The following ANKRD11 variants were observed in gnomAD, a reference collection of about 807,000 sequenced individuals.
ANKRD11 encodes ankyrin repeat domain-containing protein 11.
ANKRD11 carries 17 observed loss-of-function variants against 195.7 expected under a neutral mutation model. The ratio of observed to expected loss-of-function variants is 0.09; its 90% CI spans 0.06 to 0.13. The LOEUF is 0.13. Ranked by LOEUF, ANKRD11 falls within the 10% of genes least tolerant of loss-of-function variation. The probability of loss-of-function intolerance (pLI) is 1.00; values close to 1 mark genes in which losing one functional copy is unlikely to be tolerated. For missense variants in ANKRD11, 3,735 were observed against 3,566.1 expected (o/e 1.05, Z -1.21); for synonymous variants, 1,953 against 1,528.1 (o/e 1.28, Z -6.49).
chr16:89,372,200 G>A (rs1363021301), intron 2 of ANKRD11, among the ~76,000 whole-genome samples: 6 of 152,200 alleles, frequency 3.9e-5, no homozygotes, highest in Admixed American at 2.0e-4. Flanking sequence ...GGCAGCGCAC[G>A]GCAAGATGGA....
chr16:89,354,539 G>C (rs1332859758), intron 2 of ANKRD11, among the ~76,000 whole-genome samples: 1 of 152,170 alleles, frequency 6.6e-6, no homozygotes, highest in East Asian at 1.9e-4. Context: ...GGCACTTCTA[G>C]GCTGGAATAC....
chr16:89,270,146 T>G (rs2033008268), intron 12 of ANKRD11: 1 of 157,446 alleles, frequency 6.4e-6, no homozygotes, highest in South Asian at 1.8e-4. Flanking sequence ...TACCCACAGC[T>G]CCCACCGGGT....
At chr16:89,415,481 G>T (rs1273281549) in intron 2 of ANKRD11, among the ~76,000 whole-genome samples, 2 of 144,486 alleles carry the variant, frequency 1.4e-5, no homozygotes, top group African/African-American at 5.3e-5. Flanking sequence ...AGCCAGGATG[G>T]TCTTGATCTC....
At chr16:89,484,066 C>T (rs927968847) in intron 1 of ANKRD11, among the ~76,000 whole-genome samples, 3 of 152,192 alleles carry the variant, frequency 2.0e-5, no homozygotes, top group Non-Finnish European at 4.4e-5. Flanking sequence ...AGACGCTCTT[C>T]GGCTGCCTGA....
At chr16:89,457,434 T>C (rs2152326670) in intron 1 of ANKRD11, among the ~76,000 whole-genome samples, 1 of 151,076 alleles carries the variant, frequency 6.6e-6, no homozygotes, top group Non-Finnish European at 1.5e-5. Context: ...CTGTCTCTAC[T>C]TGAAAATACA....
In ANKRD11 at chr16:89,408,945, G is replaced by A. The variant is rs561092180; in HGVS notation, c.-60+9339C>T. Reference sequence around the variant, plus strand: ...GGGAAATACAAGTGAACAGGCCGCTGTGGAGTGCGGTTTCTAAAAGTAGGA... The same window carrying A: ...GGGAAATACAAGTGAACAGGCCGCTATGGAGTGCGGTTTCTAAAAGTAGGA... On this transcript the variant is annotated intron_variant, in intron 2 of 12. Coordinates refer to ENST00000301030, the MANE Select transcript of ANKRD11 (RefSeq NM_013275.6). 1.5e-3 allele frequency among the ~76,000 whole-genome samples: 221 copies of A among 152,338 alleles called. 1 individual carries two copies. Among genetic ancestry groups the A allele is most frequent in the Middle Eastern group, 0.01 (3 of 294 alleles).
chr16:89,275,866 ACT>A (rs540153148), intron 9 of ANKRD11, among the ~76,000 whole-genome samples: 59 of 152,138 alleles, frequency 3.9e-4, no homozygotes, highest in African/African-American at 1.4e-3. Context: ...GAGGCCTCAC[ACT>A]CTTGGAGAAA....
intron 2 of ANKRD11, among the ~76,000 whole-genome samples, chr16:89,346,250 G>GAAAA (rs35573539): frequency 6.2e-5 from 6 of 96,846 alleles, no homozygotes; most frequent in African/African-American, 8.1e-5. Context: ...CCCGTCTCAG[G>GAAAA]AAAAAAAAAA....
rs1418141789 is a variant in ANKRD11 at position 89,281,844 on chromosome 16, G to A, written c.4698C>T (p.Ala1566=). ...CCCCCAGGAGCTTCTCCCTGGGCCT[G>A]GCGTCTTTCTTGCCTGGGTCTTTGG... ...APSKDPGKKD[A]RPREKLLGDG... The change falls in exon 9 of 13, where the codon GCC becomes GCT. Residue 1566 remains alanine, a synonymous_variant. Transcript: ENST00000301030. This position sits in a 1 kb window ranked among gnomAD's most constrained non-coding sequence, Gnocchi z 5.5. 6.2e-7 allele frequency: 1 copy of A among 1,613,996 alleles called. No individual in the cohort carries two copies. Among genetic ancestry groups the A allele is most frequent in the Non-Finnish European group, 8.5e-7 (1 of 1,180,020 alleles).
At chr16:89,323,445 AGGGC>A in intron 2 of ANKRD11, 1 of 407,100 alleles carries the variant, frequency 2.5e-6, no homozygotes, top group East Asian at 1.2e-4. Flanking sequence ...GGCTGAGCCG[AGGGC>A]AGGGGGGCAG....
chr16:89,423,198 T>C (rs951458183), intron 1 of ANKRD11, among the ~76,000 whole-genome samples: 1 of 152,250 alleles, frequency 6.6e-6, no homozygotes, highest in Non-Finnish European at 1.5e-5. Context: ...TACACTGGCC[T>C]TGGTCTCAAA....
At chr16:89,333,451 A>T (rs1273476225) in intron 2 of ANKRD11, among the ~76,000 whole-genome samples, 2 of 151,940 alleles carry the variant, frequency 1.3e-5, no homozygotes, top group Non-Finnish European at 2.9e-5. Context: ...CCTGATGTGG[A>T]CCCACCGTTG....
rs771524336 is a variant in ANKRD11 at position 89,279,842 on chromosome 16, C to T, written c.6700G>A (p.Asp2234Asn). The change falls in exon 9 of 13, where the codon GAT becomes AAT. Residue 2234 changes from aspartate (D) to asparagine (N), a missense_variant. Coordinates refer to ENST00000301030, the MANE Select transcript of ANKRD11 (RefSeq NM_013275.6). This position sits in a 1 kb window ranked among gnomAD's most constrained non-coding sequence, Gnocchi z 5.6. ...GCGGGCTCCACGCTGGAGTCCGGAT[C>T]CCCACGGGCCCTCTCTTCCGGCACC... ...ETVPEERARG[D>N]PDSSVEPAPV... 1 of 1,549,016 alleles carries T rather than the reference C, an allele frequency of 6.5e-7. No homozygotes were observed. Among genetic ancestry groups the T allele is most frequent in the African/African-American group, 1.4e-5 (1 of 73,198 alleles).
At chr16:89,470,096 C>T (rs906235350) in intron 1 of ANKRD11, among the ~76,000 whole-genome samples, 2 of 151,362 alleles carry the variant, frequency 1.3e-5, no homozygotes, top group Admixed American at 6.6e-5. Flanking sequence ...TTAGTAGAGA[C>T]GGGGTTTCAC....
chr16:89,438,010 T>C (rs2043286900), intron 1 of ANKRD11, among the ~76,000 whole-genome samples: 1 of 152,232 alleles, frequency 6.6e-6, no homozygotes, highest in Non-Finnish European at 1.5e-5. Context: ...GTCCATTGTA[T>C]TTCTAGACAC....
chr16:89,398,851 G>T (rs1039658279), intron 2 of ANKRD11, among the ~76,000 whole-genome samples: 1 of 152,110 alleles, frequency 6.6e-6, no homozygotes, highest in African/African-American at 2.4e-5. Flanking sequence ...GTGCTTTCTG[G>T]CCCAGGAGTA....
rs1303846735 is a variant in ANKRD11, at chr16:89,408,359, G to A, written c.-60+9925C>T. Among the ~76,000 whole-genome samples the A allele has an allele frequency of 5.9e-4, 90 of 152,252 alleles. 2 individuals are homozygous for A. Among genetic ancestry groups the A allele is most frequent in the Admixed American group, 5.9e-3 (90 of 15,286 alleles). On this transcript the variant is annotated intron_variant, in intron 2 of 12. Transcript: ENST00000301030. ...GGCGTGAAGCTGGCAAAACCACCAG[G>A]TTTGATGCACAGAAAGGCCAGCATC...
intron 1 of ANKRD11, among the ~76,000 whole-genome samples, chr16:89,423,632 T>C (rs540167136): frequency 2.0e-5 from 3 of 152,330 alleles, no homozygotes; most frequent in Admixed American, 1.3e-4. Flanking sequence ...AACTCAAACA[T>C]GTGAGCCCAC....
chr16:89,275,257 G>A, intron 9 of ANKRD11, 66 bp from the exon 10 acceptor site: 2 of 1,393,402 alleles, frequency 1.4e-6, no homozygotes, highest in East Asian at 2.5e-5. Context: ...GATATAGTCT[G>A]GAGTTCACGG....
Sources: gnomAD v4.1 joint callset for allele counts (sites outside exome capture counted in the v4.1 genomes callset) on GRCh38, gnomAD v4.1.1 for gene constraint, Gnocchi (gnomAD v3.1) non-coding constraint, MANE v1.5 for transcripts, NCBI Gene and HGNC (gene_info 2026-07-23, HGNC 2026-07-21) for gene names.